HDAC9: variants seen among roughly 807,000 people sequenced by gnomAD.
The protein encoded by HDAC9 is histone deacetylase 9.
A neutral mutation model predicts 139.4 loss-of-function variants in HDAC9; 41 were observed. The ratio of observed to expected loss-of-function variants is 0.29; its 90% CI spans 0.23 to 0.38. The LOEUF (loss-of-function observed/expected upper bound fraction) is 0.38. HDAC9 is among the 10% of genes least tolerant of loss of function. The pLI is 1.00. For missense variants in HDAC9, 1,147 were observed against 1,297.0 expected, an observed-to-expected ratio of 0.88 and a Z score of 1.78; for synonymous variants, 517 against 476.2, an observed-to-expected ratio of 1.09 and a Z score of -1.12.
chr7:18,643,632 T>G (rs1786433271), intron 8 of HDAC9, among the ~76,000 whole-genome samples: 1 of 152,104 alleles, frequency 6.6e-6, no homozygotes, highest in Non-Finnish European at 1.5e-5. Flanking sequence ...TTAATTGATA[T>G]CCCAGGTTTG....
At chr7:18,637,740 C>G (rs777347367) in intron 8 of HDAC9, among the ~76,000 whole-genome samples, 1 of 151,860 alleles carries the variant, frequency 6.6e-6, no homozygotes, top group Non-Finnish European at 1.5e-5. Flanking sequence ...CTCTGTGGCC[C>G]AGAACAAAAA....
At chr7:18,458,701 A>G in intron 1 of HDAC9, 1 of 539,628 alleles carries the variant, frequency 1.9e-6, no homozygotes, top group Non-Finnish European at 3.2e-6. Context: ...ACTAGGCAAA[A>G]CTTCGATTAA....
intron 22 of HDAC9, among the ~76,000 whole-genome samples, chr7:18,904,037 A>C (rs1801976425): frequency 6.6e-6 from 1 of 152,194 alleles, no homozygotes; most frequent in Non-Finnish European, 1.5e-5. Context: ...CGATAGTCAT[A>C]ATTACAATAC....
chr7:18,188,362 A>C (rs1014201415), intron 2 of HDAC9, among the ~76,000 whole-genome samples: 1 of 152,228 alleles, frequency 6.6e-6, no homozygotes, highest in Non-Finnish European at 1.5e-5. Context: ...GATGGATTAA[A>C]GACTTAAATG....
At chr7:18,526,053 T>C (rs1424040716) in intron 2 of HDAC9, among the ~76,000 whole-genome samples, 1 of 152,178 alleles carries the variant, frequency 6.6e-6, no homozygotes, top group Non-Finnish European at 1.5e-5. Flanking sequence ...TTAGGTACTT[T>C]TTAGGGGTAC....
intron 14 of HDAC9, among the ~76,000 whole-genome samples, chr7:18,754,311 C>G (rs1788701272): frequency 6.6e-6 from 1 of 151,952 alleles, no homozygotes; most frequent in Non-Finnish European, 1.5e-5. Flanking sequence ...GATTAAGTAG[C>G]TGGGTTTCCA....
chr7:18,963,256 C>T (rs1417478427), intron 24 of HDAC9, among the ~76,000 whole-genome samples: 1 of 152,044 alleles, frequency 6.6e-6, no homozygotes, highest in Non-Finnish European at 1.5e-5. Context: ...CTATAATGCA[C>T]AAGAAATCTT....
At chr7:18,818,057 G>A (rs1305740992) in intron 17 of HDAC9, among the ~76,000 whole-genome samples, 5 of 152,100 alleles carry the variant, frequency 3.3e-5, no homozygotes, top group African/African-American at 4.8e-5. Context: ...ATAAAACATC[G>A]CATGCGAATT....
rs537172291 is a variant in HDAC9, at chr7:18,560,532, G to A, written c.23-24749G>A. ...CACTTCCAAAACCTTGTTGTGTAAA[G>A]TGTGCCTGTTGTGCCCCGTGCTCAT... On this transcript the variant is annotated intron_variant, in intron 2 of 25. Transcript: ENST00000686413. Among the ~76,000 whole-genome samples, 146 of 152,218 alleles carry A rather than the reference G, an allele frequency of 9.6e-4. 1 individual carries two copies. The highest frequency in any genetic ancestry group is 3.4e-3 in the African/African-American group (141 of 41,528).
chr7:18,634,828 C>A, intron 8 of HDAC9, 86 bp downstream of exon 8: 1 of 773,958 alleles, frequency 1.3e-6, no homozygotes, highest in South Asian at 1.7e-5. Flanking sequence ...AGTTGACCTT[C>A]AATATCCAAA....
At chr7:18,421,506 G>A (rs1429480205) in intron 1 of HDAC9, among the ~76,000 whole-genome samples, 1 of 151,814 alleles carries the variant, frequency 6.6e-6, no homozygotes, top group Non-Finnish European at 1.5e-5. Context: ...GGAAAAGGAA[G>A]AAAAGAAAGA....
chr7:18,381,865 T>G lies in HDAC9; in HGVS notation c.-42+91350T>G, dbSNP rs891874641. On this transcript the variant is annotated intron_variant, in intron 1 of 3. Coordinates refer to the HDAC9 transcript ENST00000413509. ...AGCTTCTTACTTTTTTTGTTGTTGC[T>G]TGTTTCCTATTTTTCGCCTCAGGTA... Among the ~76,000 whole-genome samples the G allele has an allele frequency of 2.6e-5, 4 of 152,200 alleles. No homozygotes were observed. In the South Asian group the frequency reaches 6.2e-4, roughly 24 times the overall value.
intron 1 of HDAC9, among the ~76,000 whole-genome samples, chr7:18,422,647 G>T (rs1029363418): frequency 3.5e-4 from 53 of 151,852 alleles, no homozygotes; most frequent in African/African-American, 1.2e-3. Flanking sequence ...AATAGGTCAT[G>T]GGAAAGGAAG....
intron 16 of HDAC9, among the ~76,000 whole-genome samples, chr7:18,782,852 A>G (rs1398814111): frequency 2.6e-5 from 4 of 152,002 alleles, no homozygotes; most frequent in Admixed American, 6.6e-5. Flanking sequence ...TAGGTCACGG[A>G]TCGGTGAATG....
intron 6 of HDAC9, among the ~76,000 whole-genome samples, chr7:18,618,726 G>GTATATATATA (rs71014394): frequency 0.027 from 3,204 of 119,566 alleles, 155 homozygotes; most frequent in Non-Finnish European, 0.039. Flanking sequence ...ACAGAATTTT[G>GTATATATATA]TATATATATA....
intron 1 of HDAC9, among the ~76,000 whole-genome samples, chr7:18,355,355 T>G (rs1238733869): frequency 1.3e-5 from 2 of 152,142 alleles, no homozygotes; most frequent in African/African-American, 2.4e-5. Flanking sequence ...GAATCTTCAT[T>G]TTCAACATAG....
intron 12 of HDAC9, chr7:18,667,320 A>G: frequency 1.0e-6 from 1 of 985,016 alleles, no homozygotes; most frequent in Non-Finnish European, 1.2e-6. Context: ...AAACACAGTA[A>G]CAGGATGAAT....
intron 1 of HDAC9, among the ~76,000 whole-genome samples, chr7:18,367,142 A>T (rs1486670352): frequency 1.3e-5 from 2 of 152,142 alleles, no homozygotes; most frequent in African/African-American, 2.4e-5. Flanking sequence ...AAAGGCACAG[A>T]TAAGTAAATA....
chr7:18,744,350 A>C (rs1787745652), intron 13 of HDAC9, among the ~76,000 whole-genome samples: 1 of 152,174 alleles, frequency 6.6e-6, no homozygotes, highest in South Asian at 2.1e-4. Flanking sequence ...TCTGGAACAT[A>C]GTGAGCATTC....
Sources: gnomAD v4.1 joint callset for allele counts (sites outside exome capture counted in the v4.1 genomes callset) on GRCh38, gnomAD v4.1.1 for gene constraint, MANE v1.5 for transcripts, NCBI Gene and HGNC (gene_info 2026-07-23, HGNC 2026-07-21) for gene names.